SRGAP3: variants seen among roughly 807,000 people sequenced by gnomAD.
SRGAP3 encodes the protein SLIT-ROBO Rho GTPase-activating protein 3.
Under a neutral mutation model 121.1 loss-of-function variants are expected in SRGAP3, and 39 were observed. The observed-to-expected ratio is 0.32, with a 90% CI of 0.25 to 0.42. The LOEUF (loss-of-function observed/expected upper bound fraction) is 0.42. SRGAP3 is among the 10% of genes least tolerant of loss of function. The probability of loss-of-function intolerance (pLI) is 1.00; values close to 1 mark genes in which losing one functional copy is unlikely to be tolerated. For synonymous variants in SRGAP3, 601 were observed against 570.0 expected (o/e 1.05, Z -0.77); for missense variants, 1,213 against 1,470.6 (o/e 0.82, Z 2.86).
chr3:9,207,574 G>A (rs190402437), intron 1 of SRGAP3, among the ~76,000 whole-genome samples: 9 of 152,274 alleles, frequency 5.9e-5, no homozygotes, highest in East Asian at 5.8e-4. Flanking sequence ...CAAAACCCGC[G>A]GGAGGGAGGA....
rs577855223 is a variant in SRGAP3 at position 9,205,736 on chromosome 3, A to G, written c.67+43149T>C. Among the ~76,000 whole-genome samples, 9 of 152,380 alleles carry G rather than the reference A, an allele frequency of 5.9e-5. No homozygotes were observed. The East Asian group carries it at 7.7e-4, about 13-fold the overall frequency. ...AGAGATGGAAGCAACCCAAATGCCC[A>G]TCATAGATAAACAGATAAACAAATG... On this transcript the variant is annotated intron_variant, in intron 1 of 21. Transcript: ENST00000383836.
At chr3:9,036,142 G>A (rs1453256391) in intron 11 of SRGAP3, 1 of 152,208 alleles carries the variant, frequency 6.6e-6, no homozygotes, top group Admixed American at 6.5e-5. Flanking sequence ...GTTCTGAAGT[G>A]TGAGAAAAAT....
At chr3:9,064,126 TC>T (rs1350714543) in intron 5 of SRGAP3, among the ~76,000 whole-genome samples, 2 of 152,182 alleles carry the variant, frequency 1.3e-5, no homozygotes, top group Non-Finnish European at 2.9e-5. Context: ...AGTTCAGCTT[TC>T]TTGTGAGTTG....
chr3:9,013,403 T>TTTGATGACTTCA lies in SRGAP3; in HGVS notation c.2040_2051dup (p.Asn680_Ile683dup). ...TGGCTTCATGATGGATGATGATGGT[T>TTTGATGACTTCA]TTGATGACTTCATTGATGTGTGCCT... On this transcript the variant is annotated inframe_insertion, in exon 17 of 22. Transcript: ENST00000383836. The TTTGATGACTTCA allele has an allele frequency of 6.2e-7, 1 of 1,614,138 alleles. No individual in the cohort carries two copies. Among genetic ancestry groups the TTTGATGACTTCA allele is most frequent in the Non-Finnish European group, 8.5e-7 (1 of 1,180,018 alleles).
chr3:9,091,572 T>G (rs1222503467), intron 3 of SRGAP3, among the ~76,000 whole-genome samples: 3 of 152,140 alleles, frequency 2.0e-5, no homozygotes, highest in Admixed American at 2.0e-4. Context: ...GTGTTTTTAT[T>G]TCCAAAACAA....
intron 1 of SRGAP3, among the ~76,000 whole-genome samples, chr3:9,170,776 C>T (rs1256202316): frequency 6.6e-6 from 1 of 152,260 alleles, no homozygotes; most frequent in Non-Finnish European, 1.5e-5. Flanking sequence ...TCACACACCA[C>T]AGATACCTGC....
intron 14 of SRGAP3, among the ~76,000 whole-genome samples, chr3:9,020,704 C>G (rs944158641): frequency 5.9e-5 from 9 of 152,306 alleles, no homozygotes; most frequent in African/African-American, 2.2e-4. Context: ...TTAGCCCAGG[C>G]CTTTGGCTCT....
At chr3:9,178,977 C>T (rs1169789548) in intron 1 of SRGAP3, among the ~76,000 whole-genome samples, 1 of 152,190 alleles carries the variant, frequency 6.6e-6, no homozygotes. Context: ...AGGCCCTGCC[C>T]ATCTTACCTG....
chr3:9,299,861 C>T (rs925757036), intron 3 of SRGAP3, among the ~76,000 whole-genome samples: 15 of 152,040 alleles, frequency 9.9e-5, no homozygotes, highest in Non-Finnish European at 1.5e-4. Context: ...GCCAACATCA[C>T]ACCAGTGCAC....
intron 1 of SRGAP3, among the ~76,000 whole-genome samples, chr3:9,175,614 G>A (rs1299353722): frequency 2.0e-5 from 3 of 152,240 alleles, no homozygotes; most frequent in Non-Finnish European, 2.9e-5. Flanking sequence ...CCCAGGCAAT[G>A]AGGATGCAGC....
intron 3 of SRGAP3, among the ~76,000 whole-genome samples, chr3:9,090,850 T>C (rs1456173719): frequency 2.0e-5 from 3 of 152,130 alleles, no homozygotes; most frequent in Admixed American, 6.6e-5. Context: ...TTGGCCAGGC[T>C]GGTCTTGAAC....
intron 1 of SRGAP3, among the ~76,000 whole-genome samples, chr3:9,361,306 T>C (rs1055872234): frequency 2.0e-5 from 3 of 152,088 alleles, no homozygotes; most frequent in African/African-American, 4.8e-5. Context: ...AGTTTTGCCA[T>C]GTTGCCAGAG....
At chr3:9,179,248 G>A (rs902918739) in intron 1 of SRGAP3, among the ~76,000 whole-genome samples, 8 of 152,320 alleles carry the variant, frequency 5.3e-5, no homozygotes, top group African/African-American at 1.7e-4. Flanking sequence ...ATGTTAGGTC[G>A]AGATGCACAA....
intron 1 of SRGAP3, among the ~76,000 whole-genome samples, chr3:9,132,363 T>C (rs1949487003): frequency 6.6e-6 from 1 of 152,166 alleles, no homozygotes. Flanking sequence ...TCATACAGAA[T>C]AGTGTTGCCA....
At chr3:9,336,972 T>C (rs1955703840) in intron 1 of SRGAP3, among the ~76,000 whole-genome samples, 1 of 152,052 alleles carries the variant, frequency 6.6e-6, no homozygotes, top group Admixed American at 6.6e-5. Flanking sequence ...CCTCAAGCAA[T>C]CCTCCCACCT....
intron 8 of SRGAP3, among the ~76,000 whole-genome samples, chr3:9,053,529 G>A (rs1217371777): frequency 1.3e-5 from 2 of 152,212 alleles, no homozygotes; most frequent in Non-Finnish European, 2.9e-5. Context: ...TTCTAGGTTT[G>A]TTTCTCTTAG....
chr3:9,296,731 ACCAAATAGATTTATTG>A, intron 3 of SRGAP3, among the ~76,000 whole-genome samples: 1 of 152,334 alleles, frequency 6.6e-6, no homozygotes, highest in Non-Finnish European at 1.5e-5. Flanking sequence ...ACATAATACT[ACCAAATAGATTTATTG>A]TGAGAATAAC....
intron 2 of SRGAP3, among the ~76,000 whole-genome samples, chr3:9,120,965 TG>T (rs1297333514): frequency 2.0e-5 from 3 of 152,094 alleles, no homozygotes; most frequent in African/African-American, 7.2e-5. Flanking sequence ...AGGGAATGGC[TG>T]GGGCCTTAGG....
At chr3:9,306,607 G>A (rs1955165576) in intron 3 of SRGAP3, among the ~76,000 whole-genome samples, 1 of 152,180 alleles carries the variant, frequency 6.6e-6, no homozygotes, top group Non-Finnish European at 1.5e-5. Flanking sequence ...TGTTAAGGAA[G>A]GGATCCAGTT....
Sources: allele counts gnomAD v4.1 joint callset (sites outside exome capture counted in the v4.1 genomes callset), GRCh38; gene constraint gnomAD v4.1.1; transcripts MANE v1.5; gene names NCBI Gene and HGNC (gene_info 2026-07-23, HGNC 2026-07-21).